B3GLCT: variants seen among roughly 807,000 people sequenced by gnomAD.
The protein encoded by B3GLCT is beta 3-glucosyltransferase, also known as beta-1,3-glucosyltransferase.
In B3GLCT, 65 loss-of-function variants were observed where a neutral mutation model predicts 63.4. That is an observed-to-expected ratio of 1.03 (90% CI 0.84 to 1.26). B3GLCT has a LOEUF of 1.26. Ranked by LOEUF, B3GLCT falls within the 50% of genes most tolerant of loss-of-function variation. The probability of loss-of-function intolerance (pLI) is 0.00; values close to 1 mark genes in which losing one functional copy is unlikely to be tolerated. For synonymous variants in B3GLCT, 233 were observed against 219.2 expected, an observed-to-expected ratio of 1.06 and a Z score of -0.55; for missense variants, 577 against 604.8, an observed-to-expected ratio of 0.95 and a Z score of 0.48.
intron 12 of B3GLCT, among the ~76,000 whole-genome samples, chr13:31,291,125 T>C (rs1399624686): frequency 6.6e-6 from 1 of 152,220 alleles, no homozygotes; most frequent in Non-Finnish European, 1.5e-5. Context: ...CTTGTTTTCG[T>C]CAGGTTTGTC....
chr13:31,226,755 G>T (rs909747959), intron 3 of B3GLCT, among the ~76,000 whole-genome samples: 7 of 151,906 alleles, frequency 4.6e-5, no homozygotes, highest in Non-Finnish European at 8.8e-5. Context: ...TTTTGATAGA[G>T]AAATCTACTC....
intron 12 of B3GLCT, 76 bp from the exon 13 acceptor site, chr13:31,317,490 A>T (rs1366404116): frequency 1.0e-5 from 16 of 1,540,184 alleles, no homozygotes; most frequent in Non-Finnish European, 1.4e-5. Flanking sequence ...ACAGAGTGGG[A>T]TGTAAGAACC....
At position 31,298,876 on chromosome 13, in the gene B3GLCT, C is replaced by T. The variant is rs751379309; in HGVS notation, c.1064+12057C>T. Among the ~76,000 whole-genome samples, 30 of 152,338 alleles carry T rather than the reference C, an allele frequency of 2.0e-4. 1 individual carries two copies. The highest frequency in any genetic ancestry group is 6.8e-3 in the Middle Eastern group (2 of 294). On this transcript the variant is annotated intron_variant, in intron 12 of 14. Transcript: ENST00000343307. The stretch of plus-strand genomic sequence containing the variant: ...GAAGGAGCAACACAGTCACATCAGG[C>T]CCTAAGGAATTTTGACATAAGCTTT...
chr13:31,252,201 A>G (rs1871462370), intron 6 of B3GLCT, among the ~76,000 whole-genome samples: 1 of 152,208 alleles, frequency 6.6e-6, no homozygotes, highest in African/African-American at 2.4e-5. Context: ...CCTGCCCTGC[A>G]AGAGCTCCTG....
chr13:31,220,216 G>A (rs966133595), intron 2 of B3GLCT, among the ~76,000 whole-genome samples: 1 of 152,112 alleles, frequency 6.6e-6, no homozygotes, highest in African/African-American at 2.4e-5. Flanking sequence ...AAATTCTTTC[G>A]AGGGTGTCAT....
chr13:31,286,204 T>C (rs1226965899), intron 11 of B3GLCT, among the ~76,000 whole-genome samples: 6 of 152,256 alleles, frequency 3.9e-5, no homozygotes, highest in African/African-American at 1.4e-4. Context: ...ATATCTTTAG[T>C]GCTTAGTACC....
At chr13:31,283,618 G>A (rs1316700130) in intron 10 of B3GLCT, among the ~76,000 whole-genome samples, 1 of 151,344 alleles carries the variant, frequency 6.6e-6, no homozygotes, top group African/African-American at 2.4e-5. Flanking sequence ...AAAAAAGCCA[G>A]TGAAAGAGAT....
chr13:31,314,043 G>C (rs1403416536), intron 12 of B3GLCT, among the ~76,000 whole-genome samples: 1 of 152,194 alleles, frequency 6.6e-6, no homozygotes, highest in African/African-American at 2.4e-5. Flanking sequence ...GAGCCTGCGG[G>C]TACACAGAAG....
At chr13:31,256,700 C>G (rs928432657) in intron 6 of B3GLCT, among the ~76,000 whole-genome samples, 1 of 152,162 alleles carries the variant, frequency 6.6e-6, no homozygotes, top group African/African-American at 2.4e-5. Context: ...CATGTTCTCA[C>G]TCATAAGTGG....
At chr13:31,214,902 C>A in intron 1 of B3GLCT, 149 bp from the exon 2 acceptor site, 1 of 704,126 alleles carries the variant, frequency 1.4e-6, no homozygotes, top group South Asian at 1.9e-5. Context: ...GCCAGTAATA[C>A]AAGTTTGCAG....
At chr13:31,204,261 A>G (rs1328878197) in intron 1 of B3GLCT, among the ~76,000 whole-genome samples, 5 of 152,158 alleles carry the variant, frequency 3.3e-5, no homozygotes, top group South Asian at 2.1e-4. Context: ...CTTTTTGGTT[A>G]TCCCAGGGGC....
chr13:31,270,433 T>C (rs1213741323), intron 8 of B3GLCT, among the ~76,000 whole-genome samples: 1 of 152,214 alleles, frequency 6.6e-6, no homozygotes, highest in Non-Finnish European at 1.5e-5. Flanking sequence ...AAAAATGGCT[T>C]GTTGAAAACC....
intron 12 of B3GLCT, among the ~76,000 whole-genome samples, chr13:31,291,998 T>C (rs1051388265): frequency 1.3e-5 from 2 of 152,236 alleles, no homozygotes; most frequent in Admixed American, 6.5e-5. Context: ...CATCAATACC[T>C]AGTTTATTGG....
intron 8 of B3GLCT, among the ~76,000 whole-genome samples, chr13:31,273,349 C>T (rs1872652144): frequency 6.6e-6 from 1 of 152,244 alleles, no homozygotes; most frequent in Non-Finnish European, 1.5e-5. Flanking sequence ...CCGCCTCAGC[C>T]TCCCAAAGTG....
intron 12 of B3GLCT, among the ~76,000 whole-genome samples, chr13:31,298,482 C>T (rs1185364077): frequency 1.3e-5 from 2 of 152,198 alleles, no homozygotes; most frequent in Non-Finnish European, 2.9e-5. Context: ...AATAGCTTTA[C>T]CTTTTTAGAT....
intron 4 of B3GLCT, among the ~76,000 whole-genome samples, chr13:31,237,018 C>G (rs971050978): frequency 6.6e-6 from 1 of 151,926 alleles, no homozygotes; most frequent in Non-Finnish European, 1.5e-5. Flanking sequence ...CCCAGCTACT[C>G]TGGAGGCAGA....
intron 12 of B3GLCT, among the ~76,000 whole-genome samples, chr13:31,299,720 C>T (rs1020650113): frequency 6.6e-6 from 1 of 152,164 alleles, no homozygotes; most frequent in Non-Finnish European, 1.5e-5. Flanking sequence ...CAGGTGACCA[C>T]CTCAAGGAAG....
At chr13:31,296,829 G>C (rs1330300082) in intron 12 of B3GLCT, among the ~76,000 whole-genome samples, 10 of 151,434 alleles carry the variant, frequency 6.6e-5, no homozygotes, top group Admixed American at 1.3e-4. Context: ...CAGTTTAGTA[G>C]TATTAAATAC....
intron 1 of B3GLCT, among the ~76,000 whole-genome samples, chr13:31,211,875 A>G (rs896283973): frequency 2.0e-5 from 3 of 152,194 alleles, no homozygotes; most frequent in Non-Finnish European, 4.4e-5. Flanking sequence ...TCCCTGCACT[A>G]TATTCTACAT....
Sources: allele counts gnomAD v4.1 joint callset (sites outside exome capture counted in the v4.1 genomes callset), GRCh38; gene constraint gnomAD v4.1.1; transcripts MANE v1.5; gene names NCBI Gene and HGNC (gene_info 2026-07-23, HGNC 2026-07-21).